Variants in AP3B1 observed in about 807,000 individuals in gnomAD.
AP3B1 encodes the protein AP-3 complex subunit beta-1.
AP3B1 carries 61 observed loss-of-function variants against 132.5 expected under a neutral mutation model. The observed-to-expected ratio is 0.46, with a 90% CI of 0.37 to 0.57. The LOEUF (loss-of-function observed/expected upper bound fraction) is 0.57. Ranked by LOEUF, AP3B1 falls within the 20% of genes least tolerant of loss-of-function variation. The pLI is 0.00. For synonymous variants in AP3B1, 388 were observed against 438.3 expected, an observed-to-expected ratio of 0.89 and a Z score of 1.43; for missense variants, 1,120 against 1,289.4, an observed-to-expected ratio of 0.87 and a Z score of 2.01.
intron 24 of AP3B1, among the ~76,000 whole-genome samples, chr5:78,030,641 T>G (rs1413136673): frequency 6.6e-6 from 1 of 152,226 alleles, no homozygotes; most frequent in Non-Finnish European, 1.5e-5. Flanking sequence ...CCTCTTAATC[T>G]GAAGGCTTGC....
At chr5:78,123,256 C>G (rs1752308816) in intron 17 of AP3B1, among the ~76,000 whole-genome samples, 2 of 152,152 alleles carry the variant, frequency 1.3e-5, no homozygotes, top group Admixed American at 1.3e-4. Context: ...AGAAGAAAAC[C>G]TAGGCAATAC....
chr5:78,181,626 C>G lies in AP3B1; in HGVS notation c.823G>C (p.Glu275Gln). Reference sequence around the variant, plus strand: ...TTTTCCTTCTGATCATCATCAGATTCGTAGAAATTCTTTCCATTGTCTTCT... The same window carrying G: ...TTTTCCTTCTGATCATCATCAGATTGGTAGAAATTCTTTCCATTGTCTTCT... ...ELEDNGKNFY[E>Q]SDDDQKEKTD... The change falls in exon 8 of 27, where the codon GAA becomes CAA. Residue 275 changes from glutamate to glutamine, a missense_variant. This residue lies in a region of AP3B1 where 906 missense variants were observed against 997.1 expected (regional missense o/e 0.91). Transcript: ENST00000255194. 6.2e-7 allele frequency: 1 copy of G among 1,612,106 alleles called. No homozygotes were observed. Among genetic ancestry groups the G allele is most frequent in the South Asian group, 1.1e-5 (1 of 90,736 alleles).
intron 2 of AP3B1, among the ~76,000 whole-genome samples, chr5:78,250,723 G>A (rs888164930): frequency 2.0e-5 from 3 of 152,014 alleles, no homozygotes; most frequent in African/African-American, 7.2e-5. Flanking sequence ...GAAAAACCAT[G>A]GGAAATATAT....
chr5:78,228,470 CTTCCTCTTGAAGGGAA>C (rs1333497972), intron 3 of AP3B1, among the ~76,000 whole-genome samples: 8 of 152,158 alleles, frequency 5.3e-5, no homozygotes, highest in Admixed American at 6.5e-5. Flanking sequence ...CAAAGTGTCC[CTTCCTCTTGAAGGGAA>C]TAAAAAATCC....
At chr5:78,018,904 G>A (rs1346670363) in intron 25 of AP3B1, among the ~76,000 whole-genome samples, 1 of 152,022 alleles carries the variant, frequency 6.6e-6, no homozygotes, top group Non-Finnish European at 1.5e-5. Flanking sequence ...CAAACCTGCT[G>A]AAATCTATAA....
At chr5:78,249,037 T>C (rs1167256298) in intron 2 of AP3B1, among the ~76,000 whole-genome samples, 3 of 152,174 alleles carry the variant, frequency 2.0e-5, no homozygotes, top group Non-Finnish European at 4.4e-5. Context: ...CTAACTGGCA[T>C]TTGCTGAGCT....
chr5:78,169,284 C>T (rs1454309533), intron 11 of AP3B1, among the ~76,000 whole-genome samples: 1 of 152,158 alleles, frequency 6.6e-6, no homozygotes, highest in Non-Finnish European at 1.5e-5. Context: ...CCTTCGACCT[C>T]CCAATCAACC....
intron 22 of AP3B1, among the ~76,000 whole-genome samples, chr5:78,045,110 G>T (rs2112112828): frequency 6.6e-6 from 1 of 152,268 alleles, no homozygotes; most frequent in African/African-American, 2.4e-5. Context: ...GCCAGGTGTG[G>T]TGGCTCATGC....
intron 26 of AP3B1, among the ~76,000 whole-genome samples, chr5:78,007,723 G>A (rs1325787964): frequency 1.3e-5 from 2 of 152,134 alleles, no homozygotes; most frequent in Non-Finnish European, 2.9e-5. Flanking sequence ...AGTTATTATA[G>A]TAGAACATTT....
At chr5:78,083,649 T>C (rs1187709010) in intron 22 of AP3B1, among the ~76,000 whole-genome samples, 1 of 152,240 alleles carries the variant, frequency 6.6e-6, no homozygotes, top group Non-Finnish European at 1.5e-5. Context: ...GAGCTATCTG[T>C]TGGCCAATGG....
At position 78,024,353 on chromosome 5, in the gene AP3B1, C is replaced by T. The variant is rs537657836; in HGVS notation, c.2895-3564G>A. ...CAATCAACTGAGGTATAGGCAAAAA[C>T]CCTATTAATTATATTTATTTTTTCT... On this transcript the variant is annotated intron_variant, in intron 24 of 26. Transcript: ENST00000255194. Among the ~76,000 whole-genome samples, 145 of 151,978 alleles carry T rather than the reference C, an allele frequency of 9.5e-4. 5 individuals carry two copies. In the South Asian group the frequency reaches 0.029, roughly 30 times the overall value.
At chr5:78,101,389 C>G in intron 20 of AP3B1, 1 of 437,516 alleles carries the variant, frequency 2.3e-6, no homozygotes, top group Non-Finnish European at 4.5e-6. Flanking sequence ...AACAGGTTTA[C>G]TTAAGAAAAA....
At chr5:78,110,684 C>G (rs1580357809) in intron 19 of AP3B1, among the ~76,000 whole-genome samples, 1 of 143,484 alleles carries the variant, frequency 7.0e-6, no homozygotes, top group African/African-American at 2.6e-5. Context: ...AATACTGTGC[C>G]TGTGTGTGTG....
At chr5:78,241,683 C>A (rs1747147410) in intron 2 of AP3B1, among the ~76,000 whole-genome samples, 2 of 152,210 alleles carry the variant, frequency 1.3e-5, no homozygotes, top group African/African-American at 2.4e-5. Flanking sequence ...TCTACAATCT[C>A]TGAAACTCCT....
intron 22 of AP3B1, among the ~76,000 whole-genome samples, chr5:78,070,036 T>G (rs1749467358): frequency 6.6e-6 from 1 of 152,164 alleles, no homozygotes; most frequent in African/African-American, 2.4e-5. Context: ...CTGGGAAAAC[T>G]GGCTAGCCAT....
At chr5:78,124,375 C>T (rs747018638) in intron 17 of AP3B1, among the ~76,000 whole-genome samples, 1 of 152,038 alleles carries the variant, frequency 6.6e-6, no homozygotes, top group Non-Finnish European at 1.5e-5. Flanking sequence ...CACACACACA[C>T]AAAATCTCCA....
intron 22 of AP3B1, among the ~76,000 whole-genome samples, chr5:78,046,377 T>C (rs927371258): frequency 6.6e-6 from 1 of 152,200 alleles, no homozygotes; most frequent in African/African-American, 2.4e-5. Context: ...TGCCTGATAA[T>C]CTGAGGTGGA....
chr5:78,179,917 C>T (rs1478335044), intron 8 of AP3B1, among the ~76,000 whole-genome samples: 1 of 152,064 alleles, frequency 6.6e-6, no homozygotes, highest in Non-Finnish European at 1.5e-5. Context: ...AGCAGGGAAC[C>T]CAAACAAAAT....
At chr5:78,203,339 A>G (rs1423884126) in intron 7 of AP3B1, among the ~76,000 whole-genome samples, 1 of 152,158 alleles carries the variant, frequency 6.6e-6, no homozygotes, top group Non-Finnish European at 1.5e-5. Flanking sequence ...GCACCTCTTA[A>G]CAGGGTAGCA....
Sources: allele counts gnomAD v4.1 joint callset (sites outside exome capture counted in the v4.1 genomes callset), GRCh38; gene constraint gnomAD v4.1.1; regional missense constraint gnomAD v4.1.1; transcripts MANE v1.5; gene names NCBI Gene and HGNC (gene_info 2026-07-23, HGNC 2026-07-21).